KCNQ5: variants seen among roughly 807,000 people sequenced by gnomAD.
The protein encoded by KCNQ5 is potassium voltage-gated channel subfamily KQT member 5.
In KCNQ5, 30 loss-of-function variants were observed where a neutral mutation model predicts 98.2. The observed-to-expected ratio is 0.31, with a 90% CI of 0.23 to 0.41. The LOEUF is 0.41. KCNQ5 is among the 10% of genes least tolerant of loss of function. KCNQ5 has a pLI of 1.00. For missense variants in KCNQ5, 835 were observed against 1,182.5 expected (o/e 0.71, Z 4.31); for synonymous variants, 458 against 449.4 (o/e 1.02, Z -0.24).
chr6:72,727,267 G>C (rs762629255), intron 1 of KCNQ5, among the ~76,000 whole-genome samples: 8 of 152,228 alleles, frequency 5.3e-5, no homozygotes, highest in Non-Finnish European at 1.2e-4. Context: ...TCCTGGGCTA[G>C]AGATTCCTAC....
At chr6:73,186,492 T>C (rs1246667989) in intron 11 of KCNQ5, among the ~76,000 whole-genome samples, 2 of 152,222 alleles carry the variant, frequency 1.3e-5, no homozygotes, top group East Asian at 1.9e-4. Context: ...GAAATCCTGA[T>C]TTGTATTGTT....
At chr6:72,930,499 C>G (rs1238566732) in intron 1 of KCNQ5, among the ~76,000 whole-genome samples, 1 of 148,812 alleles carries the variant, frequency 6.7e-6, no homozygotes, top group Non-Finnish European at 1.5e-5. Flanking sequence ...AAGTAATAAA[C>G]CAAGAGGATT....
chr6:72,922,656 G>T (rs150748011), intron 1 of KCNQ5, among the ~76,000 whole-genome samples: 3 of 152,070 alleles, frequency 2.0e-5, no homozygotes, highest in Admixed American at 2.0e-4. Flanking sequence ...GAGATCATGC[G>T]GTATTTGCTT....
chr6:72,765,841 A>T (rs957710260), intron 1 of KCNQ5, among the ~76,000 whole-genome samples: 1 of 152,060 alleles, frequency 6.6e-6, no homozygotes, highest in African/African-American at 2.4e-5. Context: ...AAGAGTGGAA[A>T]CTGGGAGACC....
Position 73,195,320 on chromosome 6 carries a change from C to G in KCNQ5, c.2705C>G (p.Ser902Cys). Residue 902 changes from serine to cysteine, a missense_variant, in exon 14 of 14, where the codon TCT becomes TGT. By Grantham distance (112) the Ser-to-Cys change is moderately radical (BLOSUM62 -1). Around this residue, in one of 10 missense-constraint regions of KCNQ5, gnomAD observed 416 missense variants for 446.9 expected, o/e 0.93. Coordinates refer to ENST00000370398, the MANE Select transcript of KCNQ5 (RefSeq NM_019842.4). The part of the protein sequence containing the change: ...PAREAAFASD[S>C]LRTGRSRSSQ... ...AGGGAAGCTGCCTTTGCATCAGACT[C>G]TCTAAGGACTGGAAGGTCACGATCA... The G allele has an allele frequency of 6.2e-7, 1 of 1,614,196 alleles. No homozygotes were observed. The highest frequency in any genetic ancestry group is 8.5e-7 in the Non-Finnish European group (1 of 1,180,034).
At chr6:73,103,877 A>G (rs1774897265) in intron 5 of KCNQ5, among the ~76,000 whole-genome samples, 1 of 152,204 alleles carries the variant, frequency 6.6e-6, no homozygotes, top group Non-Finnish European at 1.5e-5. Flanking sequence ...ATTATTTGTA[A>G]CACAAAGGAT....
chr6:72,878,288 G>T (rs544456333), intron 1 of KCNQ5, among the ~76,000 whole-genome samples: 4 of 152,216 alleles, frequency 2.6e-5, no homozygotes, highest in Non-Finnish European at 5.9e-5. Context: ...AAAAGAAAAA[G>T]AAAATCCATA....
intron 3 of KCNQ5, among the ~76,000 whole-genome samples, chr6:73,075,949 G>A (rs1773522104): frequency 6.6e-6 from 1 of 152,188 alleles, no homozygotes; most frequent in Non-Finnish European, 1.5e-5. Context: ...GGAGGCTGAG[G>A]TGGGACACAG....
At chr6:72,659,099 C>G (rs1239023216) in intron 1 of KCNQ5, among the ~76,000 whole-genome samples, 1 of 152,148 alleles carries the variant, frequency 6.6e-6, no homozygotes, top group East Asian at 1.9e-4. Context: ...TTAAGATTGC[C>G]TTCTTGCAAC....
At chr6:72,834,728 G>C (rs1021670214) in intron 1 of KCNQ5, among the ~76,000 whole-genome samples, 1 of 152,056 alleles carries the variant, frequency 6.6e-6, no homozygotes, top group Non-Finnish European at 1.5e-5. Flanking sequence ...GAAAACCAAA[G>C]CAAGGCCTGT....
intron 1 of KCNQ5, among the ~76,000 whole-genome samples, chr6:72,972,048 A>G (rs1767927713): frequency 6.6e-6 from 1 of 152,120 alleles, no homozygotes; most frequent in Non-Finnish European, 1.5e-5. Flanking sequence ...TTTAAGTAGA[A>G]ACAGGGACAA....
chr6:73,028,825 A>G (rs1374315739), intron 2 of KCNQ5, among the ~76,000 whole-genome samples: 4 of 152,194 alleles, frequency 2.6e-5, no homozygotes, highest in Non-Finnish European at 4.4e-5. Context: ...GTCCTCTCAT[A>G]TATCATTAAA....
chr6:73,106,058 G>A (rs1774985671), intron 6 of KCNQ5, among the ~76,000 whole-genome samples: 2 of 152,066 alleles, frequency 1.3e-5, no homozygotes, highest in Admixed American at 1.3e-4. Context: ...GGTAGGGAAG[G>A]AGGAGCCAAT....
intron 1 of KCNQ5, among the ~76,000 whole-genome samples, chr6:72,809,310 T>C (rs956105729): frequency 8.0e-5 from 12 of 149,802 alleles, no homozygotes; most frequent in African/African-American, 3.0e-4. Flanking sequence ...AGTTAGTGGG[T>C]GCAGCACACC....
intron 1 of KCNQ5, among the ~76,000 whole-genome samples, chr6:72,703,234 G>T (rs1768914482): frequency 6.6e-6 from 1 of 152,168 alleles, no homozygotes; most frequent in South Asian, 2.1e-4. Flanking sequence ...GCAGCGTCCT[G>T]CCCTTCCCAG....
At chr6:72,971,348 C>A (rs561756090) in intron 1 of KCNQ5, among the ~76,000 whole-genome samples, 61 of 152,146 alleles carry the variant, frequency 4.0e-4, no homozygotes, top group Middle Eastern at 3.4e-3. Context: ...AGGAAACAAC[C>A]GGTGCTGGAG....
At chr6:72,802,244 C>A (rs548753390) in intron 1 of KCNQ5, among the ~76,000 whole-genome samples, 1 of 152,064 alleles carries the variant, frequency 6.6e-6, no homozygotes, top group African/African-American at 2.4e-5. Context: ...TTCCATTCTC[C>A]GCATCACTTT....
chr6:72,863,529 G>A (rs1199218959), intron 1 of KCNQ5, among the ~76,000 whole-genome samples: 4 of 152,064 alleles, frequency 2.6e-5, no homozygotes, highest in Non-Finnish European at 4.4e-5. Context: ...GACTCTAAAG[G>A]GCTTAGGGAA....
Position 73,096,200 on chromosome 6 carries a change from C to T in KCNQ5, c.919-9057C>T, listed in dbSNP as rs751288333. ...GAAAGATGTAGGCTGGGAGACTAAGCCAGTCTTGGGAAGTGGCTTAAATTA... is the reference window on the plus strand; with the variant it reads ...GAAAGATGTAGGCTGGGAGACTAAGTCAGTCTTGGGAAGTGGCTTAAATTA... On this transcript the variant is annotated intron_variant, in intron 5 of 13. Coordinates refer to ENST00000370398, the MANE Select transcript of KCNQ5 (RefSeq NM_019842.4). Among the ~76,000 whole-genome samples, 5 of 152,144 alleles carry T rather than the reference C, an allele frequency of 3.3e-5. No homozygotes were observed. The South Asian group carries it at 1.0e-3, about 32-fold the overall frequency.
Sources: allele counts gnomAD v4.1 joint callset (sites outside exome capture counted in the v4.1 genomes callset), GRCh38; gene constraint gnomAD v4.1.1; regional missense constraint gnomAD v4.1.1; transcripts MANE v1.5; gene names NCBI Gene and HGNC (gene_info 2026-07-23, HGNC 2026-07-21).